SNAPIN: variants seen among roughly 807,000 people sequenced by gnomAD.
SNAPIN encodes SNARE-associated protein Snapin.
A neutral mutation model predicts 15.9 loss-of-function variants in SNAPIN; 16 were observed. That is an observed-to-expected ratio of 1.01 (90% confidence interval 0.68 to 1.53). The LOEUF (loss-of-function observed/expected upper bound fraction) is 1.53. Among genes scored for constraint, SNAPIN ranks in the 40% most tolerant of loss-of-function variants. The probability of loss-of-function intolerance (pLI) is 0.00; values close to 1 mark genes in which losing one functional copy is unlikely to be tolerated. For missense variants in SNAPIN, 186 were observed against 180.1 expected (o/e 1.03, Z -0.19); for synonymous variants, 83 against 76.2 (o/e 1.09, Z -0.46).
chr1:153,661,081 A>T (rs570852492), intron 3 of SNAPIN, 119 bp from the exon 4 acceptor site: 1 of 716,450 alleles, frequency 1.4e-6, no homozygotes, highest in African/African-American at 1.8e-5. Context: ...ACATTCTTAT[A>T]TATACTTTTG....
chr1:153,658,658 C>T, upstream of SNAPIN: 2 of 1,399,760 alleles, frequency 1.4e-6, no homozygotes, highest in East Asian at 2.8e-5. Context: ...ATTTCCCGGG[C>T]GCCCCCTCAC....
In SNAPIN at chr1:153,661,336, G is replaced by GTT. The variant is rs1669155268; in HGVS notation, c.*36_*37dup. 6.7e-7 allele frequency: 1 copy of GTT among 1,502,190 alleles called. No homozygotes were observed. Among genetic ancestry groups the GTT allele is most frequent in the Admixed American group, 1.7e-5 (1 of 59,162 alleles). 93.1% of individuals were successfully genotyped at this position (1,502,190 alleles called of 1,614,324 possible). Reference sequence around the variant, plus strand: ...CTATGGACTCAGTAGCACAAGTACTGTTCCCCAGCTGCCTTGTTTCAACAG... The same window carrying GTT: ...CTATGGACTCAGTAGCACAAGTACTGTTTTCCCCAGCTGCCTTGTTTCAACAG... On this transcript the variant is annotated 3_prime_UTR_variant, in exon 4 of 4. Transcript: ENST00000368685.
At position 153,661,293 on chromosome 1, in the gene SNAPIN, G is replaced by A. The variant is rs201946292; in HGVS notation, c.403G>A (p.Gly135Ser). The A allele has an allele frequency of 1.9e-6, 3 of 1,612,912 alleles. No homozygotes were observed. Among genetic ancestry groups the A allele is most frequent in the East Asian group, 2.2e-5 (1 of 44,856 alleles). The change falls in exon 4 of 4, where the codon GGC becomes AGC. Residue 135 changes from glycine to serine, a missense_variant. Coordinates refer to ENST00000368685, the MANE Select transcript of SNAPIN (RefSeq NM_012437.6). Reference sequence around the variant, plus strand: ...GGGAATTTACCCCCCTGGCTCCCCAGGCAAATAACAGATGAGCCTATGGAC... The same window carrying A: ...GGGAATTTACCCCCCTGGCTCCCCAAGCAAATAACAGATGAGCCTATGGAC... ...DSGIYPPGSP[G>S]K
chr1:153,658,832 T>C lies in SNAPIN; in HGVS notation c.89T>C (p.Leu30Pro), dbSNP rs1669075366. Reference protein sequence around the residue: ...TGRDLFAEGLLEFLRPAVQQL... With the variant: ...TGRDLFAEGLPEFLRPAVQQL... ...CGCGACCTTTTCGCCGAAGGGCTGC[T>C]GGAGTTCCTGCGACCCGCTGTGCAG... The change falls in exon 1 of 4, where the codon CTG (leucine) becomes CCG (proline). Residue 30 changes from leucine (L) to proline (P), a missense_variant. Physicochemically the swap from Leu to Pro is moderately conservative, Grantham distance 98. Transcript: ENST00000368685. The C allele has an allele frequency of 6.2e-7, 1 of 1,601,058 alleles. No homozygotes were observed. The highest frequency in any genetic ancestry group is 1.4e-5 in the African/African-American group (1 of 73,892).
In SNAPIN at chr1:153,659,472, A is replaced by G. The variant is rs747086419; in HGVS notation, c.215A>G (p.Gln72Arg). Residue 72 changes from glutamine (Q) to arginine (R), a missense_variant, in exon 3 of 4, where the codon CAG becomes CGG. By Grantham distance (43) the Gln-to-Arg change is conservative. Coordinates refer to ENST00000368685, the MANE Select transcript of SNAPIN (RefSeq NM_012437.6). ...ATELCRINED[Q>R]KVALDLDPYV... ...GAACTGTGCCGCATAAATGAGGATC[A>G]GAAGGTGGCCCTGGATCTTGACCCC... 1.2e-6 allele frequency: 2 copies of G among 1,614,074 alleles called. No individual in the cohort carries two copies. Among genetic ancestry groups the G allele is most frequent in the Non-Finnish European group, 1.7e-6 (2 of 1,179,922 alleles).
rs757514371 is a variant in SNAPIN at position 153,658,720 on chromosome 1, T to C, written c.-24T>C. On this transcript the variant is annotated 5_prime_UTR_variant, in exon 1 of 4. Coordinates refer to ENST00000368685, the MANE Select transcript of SNAPIN (RefSeq NM_012437.6). ...GGTTCCCGGCGGCCCTCGCGGCAGGTTTCGGGCTTCAGGACAATTCGTGAT... is the reference window on the plus strand; with the variant it reads ...GGTTCCCGGCGGCCCTCGCGGCAGGCTTCGGGCTTCAGGACAATTCGTGAT... 7.3e-6 allele frequency: 11 copies of C among 1,506,528 alleles called. No individual in the cohort carries two copies. In the Admixed American group the frequency reaches 2.8e-4, roughly 39 times the overall value. 93.3% of individuals were successfully genotyped at this position (1,506,528 alleles called of 1,614,324 possible).
At position 153,661,699 on chromosome 1, in the gene SNAPIN, T is replaced by A. The variant is rs1269291311; in HGVS notation, c.*398T>A. 1.2e-5 allele frequency: 2 copies of A among 162,866 alleles called. No homozygotes were observed. Among genetic ancestry groups the A allele is most frequent in the African/African-American group, 2.4e-5 (1 of 41,672 alleles). 10.1% of individuals were successfully genotyped at this position (162,866 alleles called of 1,614,324 possible). A position where few individuals can be genotyped will look rare whatever the true frequency, so the allele number is the denominator to read the frequency against. On this transcript the variant is annotated 3_prime_UTR_variant, in exon 4 of 4. Coordinates refer to ENST00000368685, the MANE Select transcript of SNAPIN (RefSeq NM_012437.6). ...ACCTGTGACTTCTCATTTTCCTGTT[T>A]ACACTGGGGATTTGGAGGGGGCAGG...
chr1:153,661,574 C>G lies in SNAPIN; in HGVS notation c.*273C>G. The G allele has an allele frequency of 3.7e-6, 1 of 270,620 alleles. No homozygotes were observed. The highest frequency in any genetic ancestry group is 7.3e-6 in the Non-Finnish European group (1 of 136,390). The allele number at this position is 270,620 out of a possible 1,614,324, so 16.8% of individuals were successfully genotyped here. On this transcript the variant is annotated 3_prime_UTR_variant, in exon 4 of 4. Transcript: ENST00000368685. ...TGAGGCCTCTACTTTTTTTTTTAAG[C>G]TGCATACGTGAGGCTTACCTTCTTC...
Position 153,658,793 on chromosome 1 carries a change from C to T in SNAPIN, c.50C>T (p.Ala17Val), listed in dbSNP as rs1166587478. The change falls in exon 1 of 4, where the codon GCG (alanine) becomes GTG (valine). Residue 17 changes from alanine (A) to valine (V), a missense_variant. Ala to Val is a moderately conservative substitution (Grantham distance 64, BLOSUM62 0). Coordinates refer to ENST00000368685, the MANE Select transcript of SNAPIN (RefSeq NM_012437.6). The stretch of plus-strand genomic sequence containing the variant: ...GTATCGGGGGCAGGGACCCCGGTGG[C>T]GGGGCCCACAGGCCGCGACCTTTTC... ...AAVSGAGTPV[A>V]GPTGRDLFAE... 3 of 1,583,070 alleles carry T rather than the reference C, an allele frequency of 1.9e-6. No individual in the cohort carries two copies. Among genetic ancestry groups the T allele is most frequent in the Admixed American group, 2.0e-5 (1 of 49,702 alleles).
chr1:153,659,103 C>G (rs376252708), intron 1 of SNAPIN, 35 bp from the exon 2 acceptor site: 53 of 1,612,540 alleles, frequency 3.3e-5, no homozygotes, highest in Middle Eastern at 3.3e-4. Context: ...GCTCCGGTAA[C>G]TGCCTGACCT....
intron 3 of SNAPIN, among the ~76,000 whole-genome samples, chr1:153,659,908 A>G (rs1669105255): frequency 6.6e-6 from 1 of 151,980 alleles, no homozygotes; most frequent in Non-Finnish European, 1.5e-5. Flanking sequence ...TAATTTTTGT[A>G]TTTTTTTGTA....
At chr1:153,659,360 A>G (rs1669093783) in intron 2 of SNAPIN, 88 bp from the exon 3 acceptor site, 9 of 1,289,764 alleles carry the variant, frequency 7.0e-6, no homozygotes, top group Non-Finnish European at 1.0e-5. Context: ...TTTGGGTGCA[A>G]GTGTTTTCCA....
rs781182205 is a variant in SNAPIN at position 153,658,723 on chromosome 1, C to T, written c.-21C>T. ...TCCCGGCGGCCCTCGCGGCAGGTTTCGGGCTTCAGGACAATTCGTGATGGC... is the reference window on the plus strand; with the variant it reads ...TCCCGGCGGCCCTCGCGGCAGGTTTTGGGCTTCAGGACAATTCGTGATGGC... On this transcript the variant is annotated 5_prime_UTR_variant, in exon 1 of 4. Transcript: ENST00000368685. The T allele has an allele frequency of 2.2e-5, 33 of 1,513,584 alleles. No individual in the cohort carries two copies. Among genetic ancestry groups the T allele is most frequent in the Non-Finnish European group, 2.5e-5 (29 of 1,138,826 alleles). 93.8% of individuals were successfully genotyped at this position (1,513,584 alleles called of 1,614,324 possible).
Position 153,661,479 on chromosome 1 carries a change from C to T in SNAPIN, c.*178C>T. 1 of 452,646 alleles carries T rather than the reference C, an allele frequency of 2.2e-6. No individual in the cohort carries two copies. The highest frequency in any genetic ancestry group is 4.1e-6 in the Non-Finnish European group (1 of 245,750). 28.0% of individuals were successfully genotyped at this position (452,646 alleles called of 1,614,324 possible). On this transcript the variant is annotated 3_prime_UTR_variant, in exon 4 of 4. Transcript: ENST00000368685. The stretch of plus-strand genomic sequence containing the variant: ...TTATGTAGGGGCCCCAGGAAACCTA[C>T]ACACAGCCAGAATGAGGTTCCCAAA...
intron 1 of SNAPIN, 27 bp from the exon 2 acceptor site, chr1:153,659,111 C>T: frequency 1.9e-6 from 3 of 1,613,398 alleles, no homozygotes; most frequent in Non-Finnish European, 2.5e-6. Context: ...AACTGCCTGA[C>T]CTTGTAGGCC....
chr1:153,661,285 G>C lies in SNAPIN; in HGVS notation c.395G>C (p.Gly132Ala). Reference sequence around the variant, plus strand: ...CTGGATTCGGGAATTTACCCCCCTGGCTCCCCAGGCAAATAACAGATGAGC... The same window carrying C: ...CTGGATTCGGGAATTTACCCCCCTGCCTCCCCAGGCAAATAACAGATGAGC... Reference protein sequence around the residue: ...AMLDSGIYPPGSPGK With the variant: ...AMLDSGIYPPASPGK Residue 132 changes from glycine (G) to alanine (A), a missense_variant, in exon 4 of 4, where the codon GGC becomes GCC. Coordinates refer to ENST00000368685, the MANE Select transcript of SNAPIN (RefSeq NM_012437.6). 6.2e-7 allele frequency: 1 copy of C among 1,613,056 alleles called. No individual in the cohort carries two copies. Among genetic ancestry groups the C allele is most frequent in the South Asian group, 1.1e-5 (1 of 91,058 alleles).
In SNAPIN at chr1:153,661,312, T is replaced by C; in HGVS notation, c.*11T>C. ...TCCCCAGGCAAATAACAGATGAGCC[T>C]ATGGACTCAGTAGCACAAGTACTGT... On this transcript the variant is annotated 3_prime_UTR_variant, in exon 4 of 4. Transcript: ENST00000368685. 2 of 1,596,646 alleles carry C rather than the reference T, an allele frequency of 1.3e-6. No homozygotes were observed. Among genetic ancestry groups the C allele is most frequent in the South Asian group, 1.1e-5 (1 of 90,720 alleles).
Position 153,661,799 on chromosome 1 carries a change from G to GA in SNAPIN, c.*500dup, listed in dbSNP as rs1216426432. The GA allele has an allele frequency of 6.4e-6, 1 of 155,594 alleles. No individual in the cohort carries two copies. Among genetic ancestry groups the GA allele is most frequent in the East Asian group, 1.9e-4 (1 of 5,304 alleles). 9.6% of individuals were successfully genotyped at this position (155,594 alleles called of 1,614,324 possible). On this transcript the variant is annotated 3_prime_UTR_variant, in exon 4 of 4. Transcript: ENST00000368685. ...CTTGAATACAGTAGCAGTGTTGATA[G>GA]AATCATTTTATTCAATAAATACTTA...
At chr1:153,659,059 A>G in intron 1 of SNAPIN, 79 bp from the exon 2 acceptor site, 5 of 1,571,690 alleles carry the variant, frequency 3.2e-6, no homozygotes, top group Non-Finnish European at 4.4e-6. Context: ...TTCTCTCAGT[A>G]CTTGGTAAAT....
Sources: gnomAD v4.1 joint callset for allele counts (sites outside exome capture counted in the v4.1 genomes callset) on GRCh38, gnomAD v4.1.1 for gene constraint, MANE v1.5 for transcripts, NCBI Gene and HGNC (gene_info 2026-07-23, HGNC 2026-07-21) for gene names.